The following ANKH variants were observed in gnomAD, a reference collection of about 807,000 sequenced individuals.
ANKH encodes the protein mineralization regulator ANKH.
A neutral mutation model predicts 49.0 loss-of-function variants in ANKH; 15 were observed. The observed-to-expected ratio is 0.31, with a 90% CI of 0.20 to 0.47. The LOEUF (loss-of-function observed/expected upper bound fraction) is 0.47, where lower values mean the gene tolerates loss of function less well. Among genes scored for constraint, ANKH ranks in the 20% least tolerant of loss-of-function variants. ANKH has a pLI of 1.00. For missense variants in ANKH, 429 were observed against 652.0 expected, an observed-to-expected ratio of 0.66 and a Z score of 3.72; for synonymous variants, 273 against 260.0, an observed-to-expected ratio of 1.05 and a Z score of -0.48.
At chr5:14,788,554 C>T (rs765211169) in intron 1 of ANKH, among the ~76,000 whole-genome samples, 9 of 152,158 alleles carry the variant, frequency 5.9e-5, no homozygotes, top group Non-Finnish European at 1.2e-4. Context: ...TCTTTATATC[C>T]CCCAAAGCCT....
chr5:14,855,354 C>T (rs756998171), intron 1 of ANKH, among the ~76,000 whole-genome samples: 6 of 152,200 alleles, frequency 3.9e-5, no homozygotes, highest in Non-Finnish European at 8.8e-5. Context: ...GCACTGCATT[C>T]GTCCTTTTGC....
intron 4 of ANKH, 57 bp downstream of exon 4, chr5:14,755,804 T>TA: frequency 6.6e-7 from 1 of 1,507,744 alleles, no homozygotes; most frequent in Non-Finnish European, 9.2e-7. Context: ...ACACATCAGT[T>TA]ACACACGCCA....
At chr5:14,822,998 C>T (rs947453310) in intron 1 of ANKH, among the ~76,000 whole-genome samples, 2 of 150,676 alleles carry the variant, frequency 1.3e-5, no homozygotes, top group African/African-American at 2.5e-5. Context: ...CACGCCACTG[C>T]ACTTCAGCCT....
chr5:14,829,360 C>T (rs1456353300), intron 1 of ANKH, among the ~76,000 whole-genome samples: 15 of 152,132 alleles, frequency 9.9e-5, no homozygotes, highest in Admixed American at 9.8e-4. Context: ...TGTTCTCCTT[C>T]TTCAAGCTTG....
intron 7 of ANKH, 53 bp from the exon 8 acceptor site, chr5:14,741,975 C>A: frequency 7.3e-7 from 1 of 1,360,974 alleles, no homozygotes; most frequent in South Asian, 1.2e-5. Context: ...CTTGGCTGAA[C>A]CCACCGGGGG....
chr5:14,744,870 G>C (rs758522396), intron 7 of ANKH, among the ~76,000 whole-genome samples: 13 of 152,248 alleles, frequency 8.5e-5, no homozygotes, highest in Non-Finnish European at 1.6e-4. Flanking sequence ...CTGTGGCCTA[G>C]CCTTGTTGTG....
intron 8 of ANKH, among the ~76,000 whole-genome samples, chr5:14,729,457 GGATTACAGGTTGTGCCACCGC>G (rs1561027386): frequency 6.6e-6 from 1 of 151,532 alleles, no homozygotes; most frequent in Admixed American, 6.6e-5. Context: ...CAAAGTGCTG[GGATTACAGGTTGTGCCACCGC>G]GCCTGACCAA....
At chr5:14,839,861 C>T (rs80011923) in intron 1 of ANKH, among the ~76,000 whole-genome samples, 1 of 152,286 alleles carries the variant, frequency 6.6e-6, no homozygotes, top group East Asian at 1.9e-4. Context: ...CAAGCACGTA[C>T]CCCATCAGAG....
chr5:14,829,062 T>C (rs1196819967), intron 1 of ANKH, among the ~76,000 whole-genome samples: 1 of 151,764 alleles, frequency 6.6e-6, no homozygotes, highest in Non-Finnish European at 1.5e-5. Context: ...TGGGCACCTG[T>C]AATCCCAGCT....
At chr5:14,840,747 T>C (rs1435099477) in intron 1 of ANKH, among the ~76,000 whole-genome samples, 1 of 152,262 alleles carries the variant, frequency 6.6e-6, no homozygotes, top group Non-Finnish European at 1.5e-5. Context: ...GAGCTCTCCC[T>C]GGCTTTCTAA....
chr5:14,850,505 G>A (rs775709314), intron 1 of ANKH, among the ~76,000 whole-genome samples: 21 of 152,236 alleles, frequency 1.4e-4, no homozygotes, highest in Non-Finnish European at 2.1e-4. Context: ...AGTCCCTACT[G>A]TGTGCTGAGT....
intron 2 of ANKH, among the ~76,000 whole-genome samples, chr5:14,760,955 GAT>G (rs1222928816): frequency 1.3e-5 from 2 of 152,176 alleles, no homozygotes; most frequent in African/African-American, 4.8e-5. Flanking sequence ...GGTCACTGCA[GAT>G]ATAACTGGTT....
chr5:14,845,362 ATATATTTTTTT>A (rs1255087700), intron 1 of ANKH, among the ~76,000 whole-genome samples: 13 of 27,012 alleles, frequency 4.8e-4, no homozygotes, highest in South Asian at 1.4e-3. Flanking sequence ...ATATATATAT[ATATATTTTTTT>A]TTTTACCTTT....
intron 1 of ANKH, among the ~76,000 whole-genome samples, chr5:14,790,935 T>G (rs1233570483): frequency 6.6e-6 from 1 of 152,146 alleles, no homozygotes; most frequent in Non-Finnish European, 1.5e-5. Flanking sequence ...TCACGCACCC[T>G]CCTGTGTGTA....
intron 1 of ANKH, among the ~76,000 whole-genome samples, chr5:14,867,311 A>T (rs1263367744): frequency 6.6e-6 from 1 of 152,180 alleles, no homozygotes; most frequent in East Asian, 1.9e-4. Flanking sequence ...TACCCGTGTC[A>T]TCTTGAACAA....
intron 1 of ANKH, among the ~76,000 whole-genome samples, chr5:14,802,278 A>G (rs1483704868): frequency 2.0e-5 from 3 of 151,560 alleles, no homozygotes; most frequent in African/African-American, 4.9e-5. Flanking sequence ...GAGACTTGGC[A>G]TTATCTCTGA....
chr5:14,821,998 CT>C (rs1741210235), intron 1 of ANKH, among the ~76,000 whole-genome samples: 1 of 152,174 alleles, frequency 6.6e-6, no homozygotes, highest in Admixed American at 6.5e-5. Flanking sequence ...CAACATTTTC[CT>C]TTTCAAGATC....
intron 1 of ANKH, among the ~76,000 whole-genome samples, chr5:14,788,894 A>G (rs72734782): frequency 0.16 from 23,955 of 152,214 alleles, 2,236 homozygotes; most frequent in Middle Eastern, 0.26. Flanking sequence ...GGTGCTTCAC[A>G]TGCCTTAGTG....
chr5:14,772,792 C>T (rs1232004643), intron 1 of ANKH, among the ~76,000 whole-genome samples: 3 of 152,244 alleles, frequency 2.0e-5, no homozygotes, highest in South Asian at 2.1e-4. Flanking sequence ...GACCCATCCC[C>T]GGATGTTGGG....
Sources: gnomAD v4.1 joint callset for allele counts (sites outside exome capture counted in the v4.1 genomes callset) on GRCh38, gnomAD v4.1.1 for gene constraint, MANE v1.5 for transcripts, NCBI Gene and HGNC (gene_info 2026-07-23, HGNC 2026-07-21) for gene names.